CTDSP1: variants seen among roughly 807,000 people sequenced by gnomAD.
The protein encoded by CTDSP1 is carboxy-terminal domain RNA polymerase II polypeptide A small phosphatase 1.
Under a neutral mutation model 32.5 loss-of-function variants are expected in CTDSP1, and 15 were observed. That is an observed-to-expected ratio of 0.46 (90% CI 0.31 to 0.71). The LOEUF (loss-of-function observed/expected upper bound fraction) is 0.71, where lower values mean the gene tolerates loss of function less well. Among genes scored for constraint, CTDSP1 ranks in the 30% least tolerant of loss-of-function variants. The probability of loss-of-function intolerance (pLI) is 0.05; values close to 1 mark genes in which losing one functional copy is unlikely to be tolerated. For missense variants in CTDSP1, 294 were observed against 351.1 expected, an observed-to-expected ratio of 0.84 and a Z score of 1.30; for synonymous variants, 185 against 145.4, an observed-to-expected ratio of 1.27 and a Z score of -1.96.
At chr2:218,402,733 CCTTGGGGTGAGGGGGCTG>C (rs1299706806) in intron 4 of CTDSP1, 1 of 753,908 alleles carries the variant, frequency 1.3e-6, no homozygotes, top group Non-Finnish European at 2.5e-6. Context: ...TGCCCTGCAG[CCTTGGGGTGAGGGGGCTG>C]CCCCTGGATT....
In CTDSP1 at chr2:218,399,897, G is replaced by A; in HGVS notation, c.-194G>A. 1 of 1,264,482 alleles carries A rather than the reference G, an allele frequency of 7.9e-7. No individual in the cohort carries two copies. Among genetic ancestry groups the A allele is most frequent in the East Asian group, 3.3e-5 (1 of 30,372 alleles). 78.3% of individuals were successfully genotyped at this position (1,264,482 alleles called of 1,614,324 possible). A position where few individuals can be genotyped will look rare whatever the true frequency, so the allele number is the denominator to read the frequency against. On this transcript the variant is annotated 5_prime_UTR_variant, in exon 1 of 7. An upstream start codon of the reference 5' UTR is lost. Transcript: ENST00000273062. ...CCGCCTCGCGGGAAGGAAACTCCAT[G>A]TTGTAACAAAGTTTCCTCCGCGCCC...
rs1293541815 is a variant in CTDSP1, at chr2:218,400,007, C to A, written c.-84C>A. The stretch of plus-strand genomic sequence containing the variant: ...CCTCCCTCCCACCCCTCCCCTCCCC[C>A]CCGCGCCCCGATTCCGGCCCCAGCC... On this transcript the variant is annotated 5_prime_UTR_variant, in exon 1 of 7. Transcript: ENST00000273062. The A allele has an allele frequency of 9.2e-6, 12 of 1,310,134 alleles. No individual in the cohort carries two copies. Among genetic ancestry groups the A allele is most frequent in the East Asian group, 6.4e-5 (2 of 31,296 alleles). 81.2% of individuals were successfully genotyped at this position (1,310,134 alleles called of 1,614,324 possible). A position where few individuals can be genotyped will look rare whatever the true frequency, so the allele number is the denominator to read the frequency against.
At chr2:218,403,818 T>C (rs897440976) in intron 6 of CTDSP1, 1 of 186,882 alleles carries the variant, frequency 5.4e-6, no homozygotes, top group African/African-American at 2.4e-5. Flanking sequence ...CCCAGCACTT[T>C]GGGAAGCTGA....
chr2:218,399,050 A>G (rs1270104486), upstream of CTDSP1: 1 of 152,214 alleles, frequency 6.6e-6, no homozygotes, highest in Non-Finnish European at 1.5e-5. Context: ...CCGCACCCCC[A>G]GTAATCACAG....
At chr2:218,398,321 C>T (rs1027187908), upstream of CTDSP1, 3 of 1,161,468 alleles carry the variant, frequency 2.6e-6, no homozygotes, top group African/African-American at 1.5e-5. Context: ...AAGAAGGAGG[C>T]CGTTCTAAGG....
In CTDSP1 at chr2:218,400,172, G is replaced by A. The variant is rs867989709; in HGVS notation, c.67+15G>A. The A allele has an allele frequency of 5.8e-6, 9 of 1,540,204 alleles. No individual in the cohort carries two copies. In the Middle Eastern group the frequency reaches 8.3e-4, roughly 142 times the overall value. ...GCGGGGCAAAGGTACCGGGGCTGCG[G>A]GGAGGGGGCCGAAGCCGGGGCGCCG... On this transcript the variant is annotated intron_variant, in intron 1 of 6. Transcript: ENST00000273062.
chr2:218,397,961 G>A (rs541661397), upstream of CTDSP1, among the ~76,000 whole-genome samples: 6 of 152,228 alleles, frequency 3.9e-5, no homozygotes, highest in Non-Finnish European at 5.9e-5. Context: ...GAGGAGGTGG[G>A]GGATTCCTGA....
At chr2:218,403,010 G>T (rs367625093) in intron 4 of CTDSP1, 25 bp from the exon 5 acceptor site, 534 of 1,587,938 alleles carry the variant, frequency 3.4e-4, no homozygotes, top group Non-Finnish European at 4.2e-4. Flanking sequence ...CTGGCCCGCA[G>T]CCCCCTCACT....
At chr2:218,397,727 C>G (rs1293854230), upstream of CTDSP1, among the ~76,000 whole-genome samples, 2 of 152,120 alleles carry the variant, frequency 1.3e-5, no homozygotes, top group East Asian at 3.9e-4. Flanking sequence ...TGTAGACAAC[C>G]CCTACAGTGA....
chr2:218,404,742 C>T lies in CTDSP1; in HGVS notation c.*317C>T, dbSNP rs1362313315. The T allele has an allele frequency of 3.6e-6, 1 of 280,960 alleles. No homozygotes were observed. Among genetic ancestry groups the T allele is most frequent in the Admixed American group, 5.1e-5 (1 of 19,610 alleles). 17.4% of individuals were successfully genotyped at this position (280,960 alleles called of 1,614,324 possible). A position where few individuals can be genotyped will look rare whatever the true frequency, so the allele number is the denominator to read the frequency against. On this transcript the variant is annotated 3_prime_UTR_variant, in exon 7 of 7. Coordinates refer to ENST00000273062, the MANE Select transcript of CTDSP1 (RefSeq NM_021198.3). Reference sequence around the variant, plus strand: ...ATGTTTCTCTGCTGCCAAATTGGGCCCCTTGGCCCCTTCCGGTTCTGCTTC... The same window carrying T: ...ATGTTTCTCTGCTGCCAAATTGGGCTCCTTGGCCCCTTCCGGTTCTGCTTC...
chr2:218,404,174 A>G, intron 6 of CTDSP1, 123 bp from the exon 7 acceptor site: 1 of 1,229,928 alleles, frequency 8.1e-7, no homozygotes, highest in Non-Finnish European at 1.1e-6. Context: ...AAAAAGTTTG[A>G]ACACTGTGGG....
In CTDSP1 at chr2:218,400,840, G is replaced by A. The variant is rs1296425513; in HGVS notation, c.67+683G>A. ...CCCCAGCGTGGCTGGGCCGGGGTGG[G>A]GGGGTCTGTCTTCTCCTTTTCCCCG... On this transcript the variant is annotated intron_variant, in intron 1 of 6. Transcript: ENST00000273062. The A allele has an allele frequency of 6.6e-6, 3 of 455,742 alleles. No individual in the cohort carries two copies. The Admixed American group carries it at 7.1e-5, about 11-fold the overall frequency. 28.2% of individuals were successfully genotyped at this position (455,742 alleles called of 1,614,324 possible).
At chr2:218,402,256 G>A (rs773485560) in intron 3 of CTDSP1, 41 bp downstream of exon 3, 3 of 1,607,538 alleles carry the variant, frequency 1.9e-6, no homozygotes, top group South Asian at 2.2e-5. Context: ...GTCTCGGGGG[G>A]CATCCCCCAC....
chr2:218,398,689 C>T (rs1402656220), upstream of CTDSP1: 4 of 332,764 alleles, frequency 1.2e-5, no homozygotes, highest in Admixed American at 9.8e-5. Flanking sequence ...CGCCCCGCCC[C>T]GCCACGGAGG....
At chr2:218,401,402 C>G (rs779965475) in intron 1 of CTDSP1, 162 bp from the exon 2 acceptor site, 2 of 738,328 alleles carry the variant, frequency 2.7e-6, no homozygotes, top group Admixed American at 2.8e-5. Flanking sequence ...TTGTGGAGCC[C>G]TGACAGGGGC....
upstream of CTDSP1, among the ~76,000 whole-genome samples, chr2:218,397,056 G>T (rs948036560): frequency 6.6e-6 from 1 of 152,186 alleles, no homozygotes; most frequent in Non-Finnish European, 1.5e-5. Context: ...CAGGAGGAAT[G>T]AGAGTGCCAG....
intron 2 of CTDSP1, 30 bp downstream of exon 2, chr2:218,401,742 G>A (rs371016771): frequency 1.9e-4 from 287 of 1,524,156 alleles, no homozygotes; most frequent in Non-Finnish European, 2.5e-4. Context: ...GGCCACGGGG[G>A]CACCTGGACT....
In CTDSP1 at chr2:218,399,932, C is replaced by G. The variant is rs1021281848; in HGVS notation, c.-159C>G. On this transcript the variant is annotated 5_prime_UTR_variant, in exon 1 of 7. Coordinates refer to ENST00000273062, the MANE Select transcript of CTDSP1 (RefSeq NM_021198.3). Reference sequence around the variant, plus strand: ...AGTTTCCTCCGCGCCCCCTCCCTCCCCCTCCCCCCTAGAACCTGGCTCCCC... The same window carrying G: ...AGTTTCCTCCGCGCCCCCTCCCTCCGCCTCCCCCCTAGAACCTGGCTCCCC... 5 of 1,132,502 alleles carry G rather than the reference C, an allele frequency of 4.4e-6. No individual in the cohort carries two copies. Among genetic ancestry groups the G allele is most frequent in the Non-Finnish European group, 5.4e-6 (5 of 918,686 alleles). The allele number at this position is 1,132,502 out of a possible 1,614,324, so 70.2% of individuals were successfully genotyped here.
At chr2:218,401,804 G>A (rs1265932946) in intron 2 of CTDSP1, 92 bp downstream of exon 2, 24 of 1,263,066 alleles carry the variant, frequency 1.9e-5, no homozygotes, top group South Asian at 6.2e-5. Context: ...TTTCAGGATG[G>A]ACTTGCAGAC....
Sources: gnomAD v4.1 joint callset for allele counts (sites outside exome capture counted in the v4.1 genomes callset) on GRCh38, gnomAD v4.1.1 for gene constraint, MANE v1.5 for transcripts, NCBI Gene and HGNC (gene_info 2026-07-23, HGNC 2026-07-21) for gene names.